The following SLC13A1 variants were observed in gnomAD, a reference collection of about 807,000 sequenced individuals.
The protein encoded by SLC13A1 is solute carrier family 13 member 1.
Under a neutral mutation model 70.0 loss-of-function variants are expected in SLC13A1, and 65 were observed. The observed-to-expected ratio is 0.93, with a 90% CI of 0.76 to 1.14. The LOEUF is 1.14. Among genes scored for constraint, SLC13A1 ranks in the 50% most tolerant of loss-of-function variants. The probability of loss-of-function intolerance (pLI) is 0.00; values close to 1 mark genes in which losing one functional copy is unlikely to be tolerated. For missense variants in SLC13A1, 726 were observed against 717.8 expected (o/e 1.01, Z -0.13); for synonymous variants, 275 against 250.5 (o/e 1.10, Z -0.92).
chr7:123,193,938 T>C (rs952311834), intron 1 of SLC13A1, among the ~76,000 whole-genome samples: 2 of 152,126 alleles, frequency 1.3e-5, no homozygotes, highest in African/African-American at 4.8e-5. Context: ...CCCTCTTTCA[T>C]CAACCTCTTT....
At chr7:123,119,862 CT>C (rs1343765535) in intron 12 of SLC13A1, among the ~76,000 whole-genome samples, 3 of 151,904 alleles carry the variant, frequency 2.0e-5, no homozygotes, top group Non-Finnish European at 4.4e-5. Flanking sequence ...ATGTTTACCC[CT>C]ATGATTAAAT....
intron 7 of SLC13A1, among the ~76,000 whole-genome samples, chr7:123,145,474 A>G (rs1303853686): frequency 2.6e-5 from 4 of 152,188 alleles, no homozygotes; most frequent in African/African-American, 4.8e-5. Flanking sequence ...GAAGCATAAG[A>G]ATTCGGTCTG....
Position 123,115,591 on chromosome 7 carries a change from C to G in SLC13A1, c.1715G>C (p.Trp572Ser), listed in dbSNP as rs1364994430. 1 of 1,613,538 alleles carries G rather than the reference C, an allele frequency of 6.2e-7. No individual in the cohort carries two copies. Among genetic ancestry groups the G allele is most frequent in the African/African-American group, 1.3e-5 (1 of 74,864 alleles). The change falls in exon 15 of 15, where the codon TGG (tryptophan) becomes TCG (serine). Residue 572 changes from tryptophan to serine, a missense_variant. Transcript: ENST00000194130. ...VAVVMLGICT[W>S]IVPMFDLYTY... ...GTAGAGGTCAAACATGGGTACAATC[C>G]AAGTACATATGCCAAGCATAACCAC...
chr7:123,194,852 T>G (rs2116686808), intron 1 of SLC13A1, among the ~76,000 whole-genome samples: 1 of 152,072 alleles, frequency 6.6e-6, no homozygotes, highest in South Asian at 2.1e-4. Flanking sequence ...GAGCAGCAGG[T>G]TTTGGGCAAG....
chr7:123,119,160 GAAGATAT>G lies in SLC13A1; in HGVS notation c.1426_1432del (p.Ile476LeufsTer2). On this transcript the variant is annotated frameshift_variant, in exon 13 of 15. Transcript: ENST00000194130. LOFTEE classifies it high-confidence loss of function. ...CTCAGTTAAAGATGTCACCATCAAA[GAAGATAT>G]CAGAATTATTAGCCATGCTGGTAAT... The G allele has an allele frequency of 6.2e-7, 1 of 1,612,544 alleles. No individual in the cohort carries two copies. The highest frequency in any genetic ancestry group is 8.5e-7 in the Non-Finnish European group (1 of 1,178,936).
At chr7:123,121,969 G>A (rs1321485264) in intron 12 of SLC13A1, among the ~76,000 whole-genome samples, 1 of 152,030 alleles carries the variant, frequency 6.6e-6, no homozygotes, top group African/African-American at 2.4e-5. Flanking sequence ...TAGACATTTG[G>A]CTCTGTATAT....
At chr7:123,199,443 A>T (rs1796283583) in intron 1 of SLC13A1, among the ~76,000 whole-genome samples, 1 of 152,030 alleles carries the variant, frequency 6.6e-6, no homozygotes, top group Non-Finnish European at 1.5e-5. Flanking sequence ...TGGACCTAGG[A>T]TTTCCCTTGT....
chr7:123,176,587 C>T (rs1795452530), intron 2 of SLC13A1, among the ~76,000 whole-genome samples: 1 of 152,130 alleles, frequency 6.6e-6, no homozygotes, highest in African/African-American at 2.4e-5. Flanking sequence ...TAAATATTAC[C>T]TCACACCAAC....
chr7:123,189,101 C>T (rs1795912334), intron 1 of SLC13A1, among the ~76,000 whole-genome samples: 2 of 97,288 alleles, frequency 2.1e-5, no homozygotes, highest in East Asian at 2.8e-4. Context: ...GGCGACAGAG[C>T]GAGACTCCGT....
At chr7:123,128,763 C>T in intron 10 of SLC13A1, 82 bp downstream of exon 10, 1 of 844,818 alleles carries the variant, frequency 1.2e-6, no homozygotes, top group Non-Finnish European at 1.9e-6. Context: ...CTCATCCAAT[C>T]TTTCAGAATT....
chr7:123,171,988 T>C (rs1338734679), intron 2 of SLC13A1, 84 bp from the exon 3 acceptor site: 8 of 1,299,986 alleles, frequency 6.2e-6, no homozygotes, highest in Non-Finnish European at 8.6e-6. Flanking sequence ...ATGCTGCTCT[T>C]AATTTTGACC....
rs201941610 is a variant in SLC13A1 at position 123,171,848 on chromosome 7, T to C, written c.285A>G (p.Leu95=). 1.6e-5 allele frequency: 26 copies of C among 1,613,592 alleles called. No homozygotes were observed. In the African/African-American group the frequency reaches 2.9e-4, roughly 18 times the overall value. Residue 95 remains leucine, a synonymous_variant, in exon 3 of 15, where the codon TTA becomes TTG. Coordinates refer to ENST00000194130, the MANE Select transcript of SLC13A1 (RefSeq NM_022444.4). The stretch of plus-strand genomic sequence containing the variant: ...AATTCCATTTTTCTATGGATGTTGC[T>C]AAACAGATAACTCCAATTAGCAGTA... ...FHLLLIGVIC[L]ATSIEKWNLH... is the part of the protein sequence containing the mutation.
intron 6 of SLC13A1, among the ~76,000 whole-genome samples, chr7:123,151,646 T>C (rs1290292084): frequency 5.9e-5 from 9 of 152,236 alleles, no homozygotes; most frequent in Admixed American, 5.9e-4. Flanking sequence ...AATTATGATG[T>C]CATTTTATAA....
intron 1 of SLC13A1, among the ~76,000 whole-genome samples, chr7:123,191,996 T>G (rs1014162647): frequency 3.9e-5 from 6 of 152,212 alleles, no homozygotes; most frequent in Non-Finnish European, 8.8e-5. Flanking sequence ...AATCTTTATC[T>G]TAGGCATAAG....
At chr7:123,144,672 A>T (rs1446215500) in intron 7 of SLC13A1, among the ~76,000 whole-genome samples, 1 of 152,146 alleles carries the variant, frequency 6.6e-6, no homozygotes, top group East Asian at 1.9e-4. Flanking sequence ...TTTTCTTGGC[A>T]CTTTAAAACA....
At chr7:123,192,951 A>G (rs550068509) in intron 1 of SLC13A1, among the ~76,000 whole-genome samples, 1 of 152,090 alleles carries the variant, frequency 6.6e-6, no homozygotes, top group East Asian at 1.9e-4. Flanking sequence ...GATAGTAGAG[A>G]AAAGCAATTG....
At chr7:123,117,887 A>G (rs1407044219) in intron 13 of SLC13A1, among the ~76,000 whole-genome samples, 1 of 151,806 alleles carries the variant, frequency 6.6e-6, no homozygotes, top group African/African-American at 2.4e-5. Flanking sequence ...AACAGCAACC[A>G]TTTATTACTT....
At chr7:123,182,826 T>TCA (rs1795682191) in intron 1 of SLC13A1, among the ~76,000 whole-genome samples, 1 of 152,090 alleles carries the variant, frequency 6.6e-6, no homozygotes, top group Non-Finnish European at 1.5e-5. Flanking sequence ...ACTTCCATAT[T>TCA]TTAAGTGGCT....
At chr7:123,126,053 C>T (rs747253256) in intron 10 of SLC13A1, among the ~76,000 whole-genome samples, 4 of 152,138 alleles carry the variant, frequency 2.6e-5, no homozygotes, top group Non-Finnish European at 5.9e-5. Flanking sequence ...TGAAACATTG[C>T]TAGAGCATGG....
Sources: allele counts gnomAD v4.1 joint callset (sites outside exome capture counted in the v4.1 genomes callset), GRCh38; gene constraint gnomAD v4.1.1; transcripts MANE v1.5; gene names NCBI Gene and HGNC (gene_info 2026-07-23, HGNC 2026-07-21).